PRDM10: variants seen among roughly 807,000 people sequenced by gnomAD.
The protein encoded by PRDM10 is PR/SET domain 10.
In PRDM10, 65 loss-of-function variants were observed where a neutral mutation model predicts 133.1. The observed-to-expected ratio is 0.49, with a 90% confidence interval of 0.40 to 0.60. PRDM10 has a LOEUF of 0.60. PRDM10 is among the 20% of genes least tolerant of loss of function. The probability of loss-of-function intolerance (pLI) is 0.00; values close to 1 mark genes in which losing one functional copy is unlikely to be tolerated. For missense variants in PRDM10, 1,137 were observed against 1,507.1 expected (o/e 0.75, Z 4.07); for synonymous variants, 582 against 580.4 (o/e 1.00, Z -0.04).
At chr11:129,953,653 G>C (rs1951635634) in intron 4 of PRDM10, among the ~76,000 whole-genome samples, 1 of 151,740 alleles carries the variant, frequency 6.6e-6, no homozygotes. Context: ...TTAGAATTCT[G>C]GGTTTTTATT....
intron 1 of PRDM10, among the ~76,000 whole-genome samples, chr11:129,962,064 T>G (rs1338315450): frequency 6.6e-6 from 1 of 152,112 alleles, no homozygotes; most frequent in East Asian, 1.9e-4. Flanking sequence ...CGTAAAAAAT[T>G]TGGTGAATGC....
chr11:129,924,142 G>A (rs777200309), intron 12 of PRDM10, among the ~76,000 whole-genome samples: 1 of 152,178 alleles, frequency 6.6e-6, no homozygotes, highest in Non-Finnish European at 1.5e-5. Flanking sequence ...TATTTTTGGA[G>A]TTTCTTTTGC....
At chr11:129,960,007 T>C (rs911291574) in intron 2 of PRDM10, among the ~76,000 whole-genome samples, 1 of 151,854 alleles carries the variant, frequency 6.6e-6, no homozygotes, top group Non-Finnish European at 1.5e-5. Flanking sequence ...TCGAGCCTCC[T>C]GCCTTGCCCT....
At chr11:130,002,189 TGCCCGCCGCGCCCGGAGC>T (rs896640978) in intron 1 of PRDM10, among the ~76,000 whole-genome samples, 45 of 147,774 alleles carry the variant, frequency 3.0e-4, no homozygotes, top group Non-Finnish European at 5.6e-4. Context: ...GGCGGAGACC[TGCCCGCCGCGCCCGGAGC>T]GCCCGCGCAA....
intron 1 of PRDM10, among the ~76,000 whole-genome samples, chr11:129,996,292 T>C (rs1939060971): frequency 6.6e-6 from 1 of 152,136 alleles, no homozygotes; most frequent in South Asian, 2.1e-4. Context: ...ACAAGGGCGG[T>C]GTGGGTTCAG....
At chr11:130,000,463 C>T (rs868712020) in intron 1 of PRDM10, among the ~76,000 whole-genome samples, 1 of 152,318 alleles carries the variant, frequency 6.6e-6, no homozygotes, top group Middle Eastern at 3.4e-3. Flanking sequence ...GTTGTGCTAT[C>T]CTTTATACCT....
intron 3 of PRDM10, among the ~76,000 whole-genome samples, chr11:129,957,472 C>T (rs140500715): frequency 6.6e-6 from 1 of 152,186 alleles, no homozygotes; most frequent in Non-Finnish European, 1.5e-5. Context: ...TGCCCACCAC[C>T]ACGCCCAGCT....
intron 4 of PRDM10, among the ~76,000 whole-genome samples, chr11:129,951,396 G>C (rs1013700498): frequency 1.3e-5 from 2 of 152,188 alleles, no homozygotes; most frequent in Admixed American, 6.5e-5. Context: ...TGGGCAACAA[G>C]GTAACCAACC....
intron 13 of PRDM10, among the ~76,000 whole-genome samples, chr11:129,922,179 G>A (rs762095271): frequency 6.6e-6 from 1 of 152,052 alleles, no homozygotes; most frequent in Non-Finnish European, 1.5e-5. Flanking sequence ...GAATATACTG[G>A]GTGAAAGTAA....
chr11:129,949,161 C>T (rs973511186), intron 4 of PRDM10, among the ~76,000 whole-genome samples: 2 of 152,178 alleles, frequency 1.3e-5, no homozygotes, highest in Non-Finnish European at 2.9e-5. Flanking sequence ...TCACATGAGT[C>T]CATCTTGCCT....
chr11:129,975,504 C>A (rs866696998), intron 1 of PRDM10, among the ~76,000 whole-genome samples: 1 of 152,022 alleles, frequency 6.6e-6, no homozygotes, highest in Non-Finnish European at 1.5e-5. Flanking sequence ...CTATAAAAAA[C>A]GTAAATAAAA....
chr11:129,960,681 C>G (rs1230909636), intron 2 of PRDM10, among the ~76,000 whole-genome samples: 1 of 152,094 alleles, frequency 6.6e-6, no homozygotes, highest in African/African-American at 2.4e-5. Flanking sequence ...GGCGGAGAAG[C>G]CTATAGCTGG....
chr11:129,947,134 C>A lies in PRDM10; in HGVS notation c.520+11G>T. Reference sequence around the variant, plus strand: ...ACAGCTTCCCTGGGGGAGACCCGTGCCCACACTTACACAAGTCGTGTGGGT... The same window carrying A: ...ACAGCTTCCCTGGGGGAGACCCGTGACCACACTTACACAAGTCGTGTGGGT... On this transcript the variant is annotated intron_variant, in intron 5 of 20. Transcript: ENST00000360871. The surrounding 1 kb of genome is among the most constrained non-coding windows in gnomAD (Gnocchi z 4.6). 1.9e-6 allele frequency: 3 copies of A among 1,613,284 alleles called. No homozygotes were observed. The highest frequency in any genetic ancestry group is 1.7e-6 in the Non-Finnish European group (2 of 1,179,468).
rs1162467109 is a variant in PRDM10 at position 129,947,082 on chromosome 11, A to G, written c.520+63T>C. On this transcript the variant is annotated intron_variant, in intron 5 of 20. Transcript: ENST00000360871. This position sits in a 1 kb window ranked among gnomAD's most constrained non-coding sequence, Gnocchi z 4.6. Reference sequence around the variant, plus strand: ...ACGGGAGCTATGTTCACACACACGCACACGTACACAGACACACAAGATGGA... The same window carrying G: ...ACGGGAGCTATGTTCACACACACGCGCACGTACACAGACACACAAGATGGA... The G allele has an allele frequency of 6.3e-7, 1 of 1,582,284 alleles. No homozygotes were observed. The highest frequency in any genetic ancestry group is 8.6e-7 in the Non-Finnish European group (1 of 1,161,972).
At chr11:129,931,325 G>A in intron 10 of PRDM10, 67 bp from the exon 11 acceptor site, 1 of 1,522,270 alleles carries the variant, frequency 6.6e-7, no homozygotes, top group South Asian at 1.3e-5. Context: ...ATTTAGAATT[G>A]CTGCTTATTT....
chr11:129,975,541 T>C (rs1165362984), intron 1 of PRDM10, among the ~76,000 whole-genome samples: 1 of 152,164 alleles, frequency 6.6e-6, no homozygotes, highest in Non-Finnish European at 1.5e-5. Context: ...CTGGTAGTAA[T>C]GACCATCCCA....
At chr11:129,976,551 C>T (rs1051431172) in intron 1 of PRDM10, among the ~76,000 whole-genome samples, 1 of 152,166 alleles carries the variant, frequency 6.6e-6, no homozygotes, top group African/African-American at 2.4e-5. Context: ...CAGCACAGAA[C>T]AATAAGCTAG....
chr11:129,918,627 A>C lies in PRDM10; in HGVS notation c.2126T>G (p.Phe709Cys). 3 of 1,614,186 alleles carry C rather than the reference A, an allele frequency of 1.9e-6. No homozygotes were observed. The highest frequency in any genetic ancestry group is 1.7e-6 in the Non-Finnish European group (2 of 1,180,024). ...KADRISRSKT[F>C]KPRITSTDYD... ...GTCTGTGGACGTGATGCGGGGCTTGAACGTCTTGGAGCGGCTGATGCGGTC... is the reference window on the plus strand; with the variant it reads ...GTCTGTGGACGTGATGCGGGGCTTGCACGTCTTGGAGCGGCTGATGCGGTC... The change falls in exon 14 of 21, where the codon TTC becomes TGC. Residue 709 changes from phenylalanine to cysteine, a missense_variant. Transcript: ENST00000360871. The surrounding 1 kb of genome is among the most constrained non-coding windows in gnomAD (Gnocchi z 5.3).
intron 1 of PRDM10, among the ~76,000 whole-genome samples, chr11:129,972,398 A>T (rs1442999358): frequency 6.6e-6 from 1 of 152,254 alleles, no homozygotes; most frequent in East Asian, 1.9e-4. Flanking sequence ...ATGACTGGCA[A>T]CAATAGCAAC....
Sources: allele counts gnomAD v4.1 joint callset (sites outside exome capture counted in the v4.1 genomes callset), GRCh38; gene constraint gnomAD v4.1.1; non-coding constraint Gnocchi (gnomAD v3.1); transcripts MANE v1.5; gene names NCBI Gene and HGNC (gene_info 2026-07-23, HGNC 2026-07-21).